The following PLXDC2 variants were observed in gnomAD, a reference collection of about 807,000 sequenced individuals.
PLXDC2 encodes the protein plexin domain-containing protein 2.
PLXDC2 carries 40 observed loss-of-function variants against 68.9 expected under a neutral mutation model. That is an observed-to-expected ratio of 0.58 (90% CI 0.45 to 0.76). PLXDC2 has a LOEUF of 0.76. PLXDC2 is among the 30% of genes least tolerant of loss of function. PLXDC2 has a pLI of 0.00. For missense variants in PLXDC2, 644 were observed against 661.9 expected (o/e 0.97, Z 0.30); for synonymous variants, 243 against 234.2 (o/e 1.04, Z -0.34).
chr10:20,085,178 G>T (rs575715036), intron 4 of PLXDC2, among the ~76,000 whole-genome samples: 1 of 144,656 alleles, frequency 6.9e-6, no homozygotes, highest in Admixed American at 7.0e-5. Flanking sequence ...AAAAAAAGGT[G>T]GGGGGAGCCT....
chr10:20,080,851 G>A (rs953861877), intron 4 of PLXDC2, among the ~76,000 whole-genome samples: 2 of 152,172 alleles, frequency 1.3e-5, no homozygotes, highest in African/African-American at 4.8e-5. Context: ...GAGGAGATCC[G>A]CCCATCTGGG....
At chr10:20,199,287 A>G (rs1268802463) in intron 9 of PLXDC2, among the ~76,000 whole-genome samples, 1 of 151,966 alleles carries the variant, frequency 6.6e-6, no homozygotes, top group Non-Finnish European at 1.5e-5. Context: ...TGCAATAATA[A>G]ATATCATTTT....
chr10:20,164,408 C>A, intron 6 of PLXDC2, 60 bp from the exon 7 acceptor site: 2 of 1,339,188 alleles, frequency 1.5e-6, no homozygotes, highest in Non-Finnish European at 2.1e-6. Context: ...ATCCTACTAC[C>A]TTTCCTCCCT....
intron 1 of PLXDC2, among the ~76,000 whole-genome samples, chr10:19,988,859 C>T (rs1435359166): frequency 3.2e-5 from 4 of 124,288 alleles, no homozygotes; most frequent in Non-Finnish European, 4.7e-5. Flanking sequence ...GCAATGGCGC[C>T]ATCTCTGCTC....
rs573166781 is a variant in PLXDC2, at chr10:19,999,012, G to C, written c.113-2763G>C. ...CAAATTTCAACTTAAGTGGGAAATA[G>C]AGACTTCATCGTTTCTAAGTTTTGG... On this transcript the variant is annotated intron_variant, in intron 1 of 13. Coordinates refer to ENST00000377252, the MANE Select transcript of PLXDC2 (RefSeq NM_032812.9). Among the ~76,000 whole-genome samples the C allele has an allele frequency of 2.1e-4, 32 of 152,322 alleles. 1 individual carries two copies. The highest frequency in any genetic ancestry group is 1.9e-3 in the Admixed American group (29 of 15,296).
In PLXDC2 at chr10:20,063,353, C is replaced by T. The variant is rs530265778; in HGVS notation, c.472-4817C>T. 6.0e-4 allele frequency among the ~76,000 whole-genome samples: 91 copies of T among 151,910 alleles called. No homozygotes were observed. In the South Asian group the frequency reaches 0.018, roughly 30 times the overall value. On this transcript the variant is annotated intron_variant, in intron 3 of 13. Coordinates refer to ENST00000377252, the MANE Select transcript of PLXDC2 (RefSeq NM_032812.9). Reference sequence around the variant, plus strand: ...GAGTCAGAAAAGTATGGCTTTATGACGGTAAATAAGAAACTGTCCTAAAAC... The same window carrying T: ...GAGTCAGAAAAGTATGGCTTTATGATGGTAAATAAGAAACTGTCCTAAAAC...
intron 5 of PLXDC2, among the ~76,000 whole-genome samples, chr10:20,144,979 A>G (rs78951301): frequency 0.016 from 2,505 of 152,304 alleles, 69 homozygotes; most frequent in African/African-American, 0.056. Context: ...AAATTGATGT[A>G]TACTACTCCA....
intron 1 of PLXDC2, among the ~76,000 whole-genome samples, chr10:19,834,096 G>A (rs1244037022): frequency 1.3e-5 from 2 of 152,226 alleles, no homozygotes; most frequent in South Asian, 2.1e-4. Context: ...GAACTTGCAG[G>A]TTGTCATTAA....
chr10:20,181,498 C>T (rs1834604237), intron 9 of PLXDC2, among the ~76,000 whole-genome samples: 1 of 151,994 alleles, frequency 6.6e-6, no homozygotes, highest in Non-Finnish European at 1.5e-5. Flanking sequence ...TTGTTCTTGA[C>T]TCGGCGGCCA....
chr10:20,161,326 A>G (rs1434363145), intron 6 of PLXDC2, among the ~76,000 whole-genome samples: 1 of 132,624 alleles, frequency 7.5e-6, no homozygotes, highest in Non-Finnish European at 1.7e-5. Flanking sequence ...AAAAAAATAA[A>G]AATTAAAAAA....
intron 13 of PLXDC2, among the ~76,000 whole-genome samples, chr10:20,248,256 T>C (rs1176062571): frequency 2.0e-5 from 3 of 152,170 alleles, no homozygotes; most frequent in African/African-American, 7.2e-5. Flanking sequence ...GGAATATTGT[T>C]TTGAGTATTA....
At chr10:20,097,211 G>T (rs578204674) in intron 4 of PLXDC2, among the ~76,000 whole-genome samples, 2 of 152,130 alleles carry the variant, frequency 1.3e-5, no homozygotes, top group Non-Finnish European at 2.9e-5. Flanking sequence ...CAAGAAATAG[G>T]TCATTTGAAT....
intron 9 of PLXDC2, among the ~76,000 whole-genome samples, chr10:20,199,829 T>G (rs571456434): frequency 4.6e-5 from 7 of 151,944 alleles, no homozygotes; most frequent in Non-Finnish European, 1.0e-4. Context: ...AAAACAAGGA[T>G]GGAGGATTTA....
chr10:19,946,925 C>T (rs1268560004), intron 1 of PLXDC2, among the ~76,000 whole-genome samples: 1 of 152,080 alleles, frequency 6.6e-6, no homozygotes, highest in African/African-American at 2.4e-5. Context: ...AGCTCACCTG[C>T]CACTCACCTC....
At chr10:19,897,731 A>T (rs997137685) in intron 1 of PLXDC2, among the ~76,000 whole-genome samples, 6 of 152,210 alleles carry the variant, frequency 3.9e-5, no homozygotes, top group Non-Finnish European at 7.3e-5. Context: ...TGACACCATG[A>T]GAAATTAAAT....
At chr10:20,231,950 T>A (rs1835370731) in intron 12 of PLXDC2, among the ~76,000 whole-genome samples, 1 of 151,662 alleles carries the variant, frequency 6.6e-6, no homozygotes, top group South Asian at 2.1e-4. Flanking sequence ...CCTGGGAGAC[T>A]GACTTGATCA....
chr10:19,963,182 A>C (rs562221456), intron 1 of PLXDC2, among the ~76,000 whole-genome samples: 3 of 152,094 alleles, frequency 2.0e-5, no homozygotes, highest in African/African-American at 7.2e-5. Context: ...TCCCTCACAC[A>C]TTCATTTCCC....
chr10:20,001,813 G>A lies in PLXDC2; in HGVS notation c.151G>A (p.Glu51Lys). The change falls in exon 2 of 14, where the codon GAG (glutamate) becomes AAG (lysine). Residue 51 changes from glutamate (E) to lysine (K), a missense_variant. Glu to Lys is a moderately conservative substitution (Grantham distance 56). Transcript: ENST00000377252. Reference sequence around the variant, plus strand: ...AGTTACTCAGGCCTTCCCTCACACAGAGGAGGAGGTGGAAGTTGATTCACA... The same window carrying A: ...AGTTACTCAGGCCTTCCCTCACACAAAGGAGGAGGTGGAAGTTGATTCACA... ...YGVTQAFPHT[E>K]EEVEVDSHAY... 1 of 1,614,056 alleles carries A rather than the reference G, an allele frequency of 6.2e-7. No individual in the cohort carries two copies. The highest frequency in any genetic ancestry group is 8.5e-7 in the Non-Finnish European group (1 of 1,179,984).
intron 1 of PLXDC2, among the ~76,000 whole-genome samples, chr10:19,942,127 T>C (rs2131398661): frequency 6.6e-6 from 1 of 152,276 alleles, no homozygotes; most frequent in Admixed American, 6.5e-5. Context: ...GTAAAGATAG[T>C]GGTAATTTTG....
Sources: gnomAD v4.1 joint callset for allele counts (sites outside exome capture counted in the v4.1 genomes callset) on GRCh38, gnomAD v4.1.1 for gene constraint, MANE v1.5 for transcripts, NCBI Gene and HGNC (gene_info 2026-07-23, HGNC 2026-07-21) for gene names.